Variants in PCDH11X observed in about 807,000 individuals in gnomAD.
The protein encoded by PCDH11X is protocadherin-11 X-linked.
PCDH11X carries 18 observed loss-of-function variants against 53.3 expected under a neutral mutation model. The ratio of observed to expected loss-of-function variants is 0.34; its 90% confidence interval spans 0.23 to 0.50. The LOEUF (loss-of-function observed/expected upper bound fraction) is 0.50. Among genes scored for constraint, PCDH11X ranks in the 20% least tolerant of loss-of-function variants. The pLI is 0.98. For synonymous variants in PCDH11X, 279 were observed against 393.3 expected, an observed-to-expected ratio of 0.71 and a Z score of 3.44; for missense variants, 570 against 1,032.4, an observed-to-expected ratio of 0.55 and a Z score of 6.14.
intron 10 of PCDH11X, among the ~76,000 whole-genome samples, chrX:92,529,496 G>A (rs2074517398): frequency 9.2e-6 from 1 of 108,970 alleles, no homozygotes; most frequent in Admixed American, 1.0e-4. Flanking sequence ...AGCAACTATA[G>A]GAGTTATAGC....
chrX:91,861,817 G>T (rs1363851643), intron 5 of PCDH11X, among the ~76,000 whole-genome samples: 2 of 111,859 alleles, frequency 1.8e-5, no homozygotes, highest in Non-Finnish European at 3.8e-5. Context: ...TTGGCTGAGG[G>T]TAGGAACTTC....
intron 7 of PCDH11X, among the ~76,000 whole-genome samples, chrX:92,238,989 T>C (rs1390448370): frequency 9.0e-6 from 1 of 111,590 alleles, no homozygotes; most frequent in Non-Finnish European, 1.9e-5. Context: ...CCTTTCTTCA[T>C]GTCTTTGAAA....
intron 1 of PCDH11X, among the ~76,000 whole-genome samples, chrX:91,802,093 T>C (rs1320794041): frequency 8.8e-6 from 1 of 113,230 alleles, no homozygotes; most frequent in Non-Finnish European, 1.9e-5. Flanking sequence ...CTGACAATCA[T>C]ACACATGCAT....
chrX:92,024,826 A>C (rs2062944855), intron 6 of PCDH11X, among the ~76,000 whole-genome samples: 1 of 107,730 alleles, frequency 9.3e-6, no homozygotes, highest in African/African-American at 3.4e-5. Flanking sequence ...TGGTACTGAC[A>C]TACAATGGAA....
rs1936231071 is a variant in PCDH11X, at chrX:91,809,520, GA to G, written c.-322del. Reference sequence around the variant, plus strand: ...ATGGATGAATGGATGGAAGAGGATGGAATATCTTAACAAAACACATTTTCCT... The same window carrying G: ...ATGGATGAATGGATGGAAGAGGATGGATATCTTAACAAAACACATTTTCCT... On this transcript the variant is annotated 5_prime_UTR_variant, in exon 2 of 11. The change abolishes the stop of an existing upstream ORF in the 5' untranslated region. Transcript: ENST00000682573. 9.4e-6 allele frequency among the ~76,000 whole-genome samples: 1 copy of G among 106,325 alleles called. No homozygotes were observed. The highest frequency in any genetic ancestry group is 1.9e-5 in the Non-Finnish European group (1 of 51,581). The allele number at this position is 106,325 out of a possible 115,157, so 92.3% of individuals were successfully genotyped here.
At chrX:92,200,025 TA>T (rs1307734325) in intron 6 of PCDH11X, among the ~76,000 whole-genome samples, 11 of 109,208 alleles carry the variant, frequency 1.0e-4, no homozygotes, top group African/African-American at 2.3e-4. Context: ...CTTGGTTTTT[TA>T]AAAAAAAAAG....
At chrX:92,372,988 A>C (rs1329202508) in intron 8 of PCDH11X, among the ~76,000 whole-genome samples, 2 of 111,695 alleles carry the variant, frequency 1.8e-5, no homozygotes, top group Non-Finnish European at 3.8e-5. Context: ...AATGTTTTAA[A>C]ATAATCATAT....
At position 91,796,357 on chromosome X, in the gene PCDH11X, G is replaced by A. The variant is rs375276717; in HGVS notation, c.-378-13109G>A. Among the ~76,000 whole-genome samples the A allele has an allele frequency of 1.3e-3, 144 of 110,920 alleles. 1 individual carries two copies. The South Asian group carries it at 0.053, about 41-fold the overall frequency. ...AATTCTTTTAAGAAATAATTTGAAC[G>A]TCTTTAATTTTCAGAGAAAATTTTA... On this transcript the variant is annotated intron_variant, in intron 1 of 10. Transcript: ENST00000682573.
intron 6 of PCDH11X, among the ~76,000 whole-genome samples, chrX:91,962,080 TCCACC>T (rs1386114529): frequency 1.9e-5 from 2 of 104,213 alleles, no homozygotes; most frequent in African/African-American, 7.1e-5. Flanking sequence ...ACCATGTCAT[TCCACC>T]CCGGCCCCTT....
At chrX:91,902,166 T>G (rs1296225777) in intron 6 of PCDH11X, among the ~76,000 whole-genome samples, 1 of 111,040 alleles carries the variant, frequency 9.0e-6, no homozygotes, top group Non-Finnish European at 1.9e-5. Context: ...TGGAATAGTG[T>G]TTCTCATGTG....
At chrX:92,591,479 C>T (rs1206658533) in intron 10 of PCDH11X, among the ~76,000 whole-genome samples, 3 of 110,543 alleles carry the variant, frequency 2.7e-5, no homozygotes, top group Non-Finnish European at 3.8e-5. Flanking sequence ...AGAGGGGTAC[C>T]GCAGAATAGA....
chrX:92,326,643 G>T (rs191223433), intron 8 of PCDH11X, among the ~76,000 whole-genome samples: 1,481 of 46,343 alleles, frequency 0.032, 137 homozygotes, highest in East Asian at 0.077. Context: ...TATATATAGA[G>T]AGAGAGAGAG....
intron 9 of PCDH11X, chrX:92,460,241 A>G (rs909899408): frequency 3.6e-4 from 316 of 873,728 alleles, no homozygotes; most frequent in Non-Finnish European, 5.0e-4. Context: ...GATGACACCA[A>G]TGTCACTTGA....
intron 6 of PCDH11X, among the ~76,000 whole-genome samples, chrX:92,087,728 T>C (rs1189320742): frequency 9.1e-6 from 1 of 110,071 alleles, no homozygotes; most frequent in African/African-American, 3.3e-5. Context: ...TGCTTAACTT[T>C]CCCTTTATCA....
At chrX:91,832,077 CAG>C (rs1281186972) in intron 4 of PCDH11X, among the ~76,000 whole-genome samples, 82 of 108,484 alleles carry the variant, frequency 7.6e-4, no homozygotes, top group African/African-American at 2.6e-3. Flanking sequence ...TTGTGGAAGA[CAG>C]TGTGGCAATT....
At chrX:92,304,214 ATAAATT>A (rs1028620706) in intron 8 of PCDH11X, among the ~76,000 whole-genome samples, 74 of 107,856 alleles carry the variant, frequency 6.9e-4, no homozygotes, top group Middle Eastern at 4.7e-3. Flanking sequence ...ACCAAAATAA[ATAAATT>A]TTATTTTTAT....
chrX:92,545,814 G>C (rs1343061828), intron 10 of PCDH11X, among the ~76,000 whole-genome samples: 1 of 109,482 alleles, frequency 9.1e-6, no homozygotes, highest in Non-Finnish European at 1.9e-5. Context: ...AAAATTAGTA[G>C]AATTAGTTTA....
Position 91,839,607 on chromosome X carries a change from A to T in PCDH11X, c.540+3563A>T, listed in dbSNP as rs560433809. ...TAACAGTGAAAGACTGTCTCCAAAA[A>T]AAATAAATAAATAAAATTAAAAAAA... On this transcript the variant is annotated intron_variant, in intron 5 of 10. Transcript: ENST00000682573. Among the ~76,000 whole-genome samples, 141 of 110,630 alleles carry T rather than the reference A, an allele frequency of 1.3e-3. No homozygotes were observed. In the South Asian group the frequency reaches 0.043, roughly 33 times the overall value.
intron 8 of PCDH11X, among the ~76,000 whole-genome samples, chrX:92,381,595 G>A (rs1260967942): frequency 2.7e-5 from 3 of 111,470 alleles, no homozygotes; most frequent in Admixed American, 9.6e-5. Context: ...TGATCCAAGC[G>A]TTTATGCCAT....
Sources: gnomAD v4.1 joint callset for allele counts (sites outside exome capture counted in the v4.1 genomes callset) on GRCh38, gnomAD v4.1.1 for gene constraint, MANE v1.5 for transcripts, NCBI Gene and HGNC (gene_info 2026-07-23, HGNC 2026-07-21) for gene names.